Variants in SAMMSON observed in about 807,000 individuals in gnomAD.
SAMMSON encodes the protein survival associated mitochondrial melanoma specific oncogenic non-coding RNA, also known as long intergenic non-protein coding RNA 1212.
intron 4 of SAMMSON, among the ~76,000 whole-genome samples, chr3:70,156,138 A>G (rs963034054): frequency 2.6e-5 from 4 of 152,022 alleles, no homozygotes; most frequent in Non-Finnish European, 4.4e-5. Context: ...CCATTCCCCT[A>G]CTTAATGAAT....
At chr3:70,008,515 C>T (rs377743293) in intron 1 of SAMMSON, among the ~76,000 whole-genome samples, 1 of 152,112 alleles carries the variant, frequency 6.6e-6, no homozygotes. Context: ...CTGAAGTTGC[C>T]TATCAGCTTA....
At chr3:70,228,723 A>C (rs974105210) in intron 4 of SAMMSON, among the ~76,000 whole-genome samples, 1 of 150,648 alleles carries the variant, frequency 6.6e-6, no homozygotes, top group African/African-American at 2.4e-5. Flanking sequence ...TATTCTTCTC[A>C]TTAATTTTTT....
intron 1 of SAMMSON, chr3:70,009,420 A>G (rs1486987856): frequency 1.3e-5 from 2 of 151,968 alleles, no homozygotes; most frequent in East Asian, 3.9e-4. Context: ...TTTCTAGTTT[A>G]TTTGCGTAGA....
At chr3:70,090,291 C>G (rs1436502637) in intron 4 of SAMMSON, among the ~76,000 whole-genome samples, 4 of 152,138 alleles carry the variant, frequency 2.6e-5, no homozygotes, top group African/African-American at 9.7e-5. Context: ...CAAATACCAT[C>G]TGAGAAATGT....
At chr3:70,178,118 C>A (rs1318875747) in intron 4 of SAMMSON, among the ~76,000 whole-genome samples, 1 of 152,092 alleles carries the variant, frequency 6.6e-6, no homozygotes, top group Non-Finnish European at 1.5e-5. Flanking sequence ...ATGTATATCA[C>A]CCCCCTTCCC....
intron 3 of SAMMSON, among the ~76,000 whole-genome samples, chr3:70,032,446 A>AGGATTTT (rs1477402895): frequency 1.3e-5 from 2 of 152,326 alleles, no homozygotes; most frequent in East Asian, 3.9e-4. Context: ...TTCAGCCTAG[A>AGGATTTT]GGATTTTGCT....
intron 4 of SAMMSON, among the ~76,000 whole-genome samples, chr3:70,122,652 C>G (rs2106667968): frequency 6.6e-6 from 1 of 152,144 alleles, no homozygotes; most frequent in East Asian, 1.9e-4. Flanking sequence ...GTTTTTTATT[C>G]AAGATGAAAA....
intron 3 of SAMMSON, among the ~76,000 whole-genome samples, chr3:70,049,082 T>A (rs553782480): frequency 5.2e-4 from 79 of 152,284 alleles, no homozygotes; most frequent in Non-Finnish European, 1.0e-3. Context: ...AAAAGAGACA[T>A]AACTCATTTG....
At position 70,031,924 on chromosome 3, in the gene SAMMSON, C is replaced by G. The variant is rs554514895; in HGVS notation, n.417+18252C>G. ...TGTTGAATGGAACACCTAAAATTAT[C>G]AAAAAGCAACAGCTATGTAATAATT... is the stretch of plus-strand genomic sequence containing the variant. On this transcript the variant is annotated intron_variant and non_coding_transcript_variant, in intron 3 of 9. Transcript: ENST00000642114. 4.6e-5 allele frequency among the ~76,000 whole-genome samples: 7 copies of G among 152,188 alleles called. 1 individual carries two copies. In the South Asian group the frequency reaches 1.5e-3, roughly 32 times the overall value.
intron 2 of SAMMSON, among the ~76,000 whole-genome samples, chr3:70,429,353 G>A (rs1045981988): frequency 6.6e-6 from 1 of 152,156 alleles, no homozygotes; most frequent in Non-Finnish European, 1.5e-5. Flanking sequence ...GTACGATGTG[G>A]TTTTGGTTAC....
chr3:70,352,799 A>G (rs546799239), intron 7 of SAMMSON, among the ~76,000 whole-genome samples: 2 of 152,090 alleles, frequency 1.3e-5, no homozygotes, highest in East Asian at 3.8e-4. Flanking sequence ...AACTAAGACA[A>G]TTTTGAAAAG....
chr3:70,263,904 T>A (rs530425929), intron 6 of SAMMSON, among the ~76,000 whole-genome samples: 9 of 152,184 alleles, frequency 5.9e-5, no homozygotes, highest in Non-Finnish European at 1.2e-4. Flanking sequence ...CTGCAATTGC[T>A]GTTGTCCAAT....
chr3:70,006,660 C>CT (rs1302595324), intron 1 of SAMMSON, among the ~76,000 whole-genome samples: 3 of 151,784 alleles, frequency 2.0e-5, no homozygotes, highest in Non-Finnish European at 2.9e-5. Flanking sequence ...TTATTTTTTC[C>CT]TTTTTTTTAA....
chr3:70,112,170 C>T (rs1199582417), intron 4 of SAMMSON, among the ~76,000 whole-genome samples: 1 of 151,932 alleles, frequency 6.6e-6, no homozygotes, highest in African/African-American at 2.4e-5. Flanking sequence ...AAAGTGAAAA[C>T]GTTAAAGACA....
chr3:70,152,287 T>C (rs532947322), intron 4 of SAMMSON, among the ~76,000 whole-genome samples: 2 of 152,118 alleles, frequency 1.3e-5, no homozygotes, highest in African/African-American at 4.8e-5. Context: ...GCATTGACAG[T>C]CCCTAAAAGT....
intron 6 of SAMMSON, among the ~76,000 whole-genome samples, chr3:70,286,279 C>T (rs549700645): frequency 2.3e-4 from 35 of 152,296 alleles, no homozygotes; most frequent in African/African-American, 7.9e-4. Flanking sequence ...CTACATATGG[C>T]TAGCCAGTTT....
chr3:70,299,274 A>C (rs370446833), intron 7 of SAMMSON, among the ~76,000 whole-genome samples: 3 of 152,204 alleles, frequency 2.0e-5, no homozygotes, highest in Non-Finnish European at 4.4e-5. Flanking sequence ...AAAACATGCT[A>C]TTAAAATATT....
intron 4 of SAMMSON, among the ~76,000 whole-genome samples, chr3:70,204,206 C>G (rs540427419): frequency 1.3e-5 from 2 of 152,290 alleles, no homozygotes; most frequent in South Asian, 2.1e-4. Flanking sequence ...AAATTAGCCA[C>G]AAACTACATG....
intron 7 of SAMMSON, among the ~76,000 whole-genome samples, chr3:70,340,013 A>G (rs1702698745): frequency 6.6e-6 from 1 of 152,128 alleles, no homozygotes; most frequent in African/African-American, 2.4e-5. Flanking sequence ...CCAAATGTCC[A>G]TCAATGATAG....
Sources: allele counts gnomAD v4.1 joint callset (sites outside exome capture counted in the v4.1 genomes callset), GRCh38; gene constraint gnomAD v4.1.1; transcripts MANE v1.5; gene names NCBI Gene and HGNC (gene_info 2026-07-23, HGNC 2026-07-21).